The following HCRTR2 variants were observed in gnomAD, a reference collection of about 807,000 sequenced individuals.
HCRTR2 encodes orexin receptor type 2.
In HCRTR2, 22 loss-of-function variants were observed where a neutral mutation model predicts 49.0. The ratio of observed to expected loss-of-function variants is 0.45; its 90% CI spans 0.32 to 0.64. The LOEUF (loss-of-function observed/expected upper bound fraction) is 0.64. Ranked by LOEUF, HCRTR2 falls within the 30% of genes least tolerant of loss-of-function variation. The probability of loss-of-function intolerance (pLI) is 0.04; values close to 1 mark genes in which losing one functional copy is unlikely to be tolerated. For synonymous variants in HCRTR2, 236 were observed against 205.3 expected, an observed-to-expected ratio of 1.15 and a Z score of -1.28; for missense variants, 491 against 559.4, an observed-to-expected ratio of 0.88 and a Z score of 1.23.
At chr6:55,121,781 T>G (rs990922979) in intron 1 of HCRTR2, among the ~76,000 whole-genome samples, 3 of 152,200 alleles carry the variant, frequency 2.0e-5, no homozygotes, top group African/African-American at 7.2e-5. Context: ...TGGTGTATGT[T>G]GAACCAGCCT....
chr6:55,147,624 C>T (rs1403374491), intron 1 of HCRTR2, among the ~76,000 whole-genome samples: 1 of 152,170 alleles, frequency 6.6e-6, no homozygotes, highest in African/African-American at 2.4e-5. Flanking sequence ...GTACAATAGG[C>T]TGCTCTATGA....
chr6:55,251,211 G>C (rs1336555617), intron 2 of HCRTR2, among the ~76,000 whole-genome samples: 1 of 151,956 alleles, frequency 6.6e-6, no homozygotes, highest in Admixed American at 6.6e-5. Context: ...AAAGTTATTT[G>C]GTTGCATTTT....
chr6:55,246,785 T>G (rs986432889), intron 1 of HCRTR2, among the ~76,000 whole-genome samples: 1 of 152,088 alleles, frequency 6.6e-6, no homozygotes, highest in African/African-American at 2.4e-5. Context: ...CACTTCCTAG[T>G]GTTATTATGA....
chr6:55,151,879 T>C (rs946605224), intron 1 of HCRTR2, among the ~76,000 whole-genome samples: 2 of 151,990 alleles, frequency 1.3e-5, no homozygotes, highest in East Asian at 3.9e-4. Context: ...GAAAACTACA[T>C]TAATCTCCCT....
chr6:55,278,665 C>T (rs1393991294), intron 5 of HCRTR2, among the ~76,000 whole-genome samples: 1 of 151,664 alleles, frequency 6.6e-6, no homozygotes, highest in African/African-American at 2.4e-5. Context: ...AGACATATGC[C>T]AGCTCACAAG....
chr6:55,141,195 AT>A (rs989460631), intron 1 of HCRTR2, among the ~76,000 whole-genome samples: 2 of 140,400 alleles, frequency 1.4e-5, no homozygotes, highest in Admixed American at 6.9e-5. Context: ...AAAAAAAAAA[AT>A]TAACCGGGCG....
At chr6:55,167,122 C>T (rs910339465) in intron 1 of HCRTR2, among the ~76,000 whole-genome samples, 3 of 152,062 alleles carry the variant, frequency 2.0e-5, no homozygotes, top group Non-Finnish European at 4.4e-5. Context: ...AATGATACCT[C>T]TCAAAATGGT....
chr6:55,275,192 T>G (rs111420939), intron 4 of HCRTR2, among the ~76,000 whole-genome samples: 3,231 of 152,300 alleles, frequency 0.021, 106 homozygotes, highest in African/African-American at 0.073. Context: ...TTCCAATTCA[T>G]AACTGTGGTA....
At chr6:55,222,722 T>A (rs1052777769) in intron 1 of HCRTR2, among the ~76,000 whole-genome samples, 2 of 152,162 alleles carry the variant, frequency 1.3e-5, no homozygotes, top group Non-Finnish European at 2.9e-5. Flanking sequence ...CTATGAAGTA[T>A]CTAAAGTAGT....
At chr6:55,142,730 C>T (rs956199187) in intron 1 of HCRTR2, among the ~76,000 whole-genome samples, 4 of 151,830 alleles carry the variant, frequency 2.6e-5, no homozygotes, top group African/African-American at 9.7e-5. Context: ...AGATAAAATG[C>T]ACACACCGAG....
chr6:55,163,579 A>G (rs1207528293), intron 1 of HCRTR2, among the ~76,000 whole-genome samples: 1 of 152,226 alleles, frequency 6.6e-6, no homozygotes, highest in Non-Finnish European at 1.5e-5. Flanking sequence ...CCATATGCAG[A>G]AAACTGAAAC....
At chr6:55,250,321 C>T (rs1462924889) in intron 2 of HCRTR2, among the ~76,000 whole-genome samples, 1 of 151,978 alleles carries the variant, frequency 6.6e-6, no homozygotes, top group Non-Finnish European at 1.5e-5. Flanking sequence ...ATGAATGGCT[C>T]TGGTGGTGTT....
intron 1 of HCRTR2, among the ~76,000 whole-genome samples, chr6:55,107,374 C>T (rs749486022): frequency 1.3e-5 from 2 of 151,998 alleles, no homozygotes; most frequent in African/African-American, 2.4e-5. Context: ...TACTTGTTTT[C>T]GGTTTCAGAG....
intron 2 of HCRTR2, among the ~76,000 whole-genome samples, chr6:55,253,581 C>T (rs1478636801): frequency 1.3e-5 from 2 of 152,036 alleles, no homozygotes; most frequent in Admixed American, 6.6e-5. Flanking sequence ...TGCAAGTATA[C>T]GTTCACTGCA....
intron 1 of HCRTR2, among the ~76,000 whole-genome samples, chr6:55,209,028 A>T (rs1765653146): frequency 6.6e-6 from 1 of 152,188 alleles, no homozygotes; most frequent in African/African-American, 2.4e-5. Context: ...TTACATATGC[A>T]TTTTCTAAGA....
upstream of HCRTR2, chr6:55,174,366 A>G (rs200428399): frequency 8.7e-6 from 5 of 572,060 alleles, no homozygotes; most frequent in South Asian, 1.9e-5. Context: ...TCAGCTGCCT[A>G]TCTTCCCGGT....
chr6:55,207,777 T>A (rs2127289195), intron 1 of HCRTR2, among the ~76,000 whole-genome samples: 1 of 152,316 alleles, frequency 6.6e-6, no homozygotes, highest in African/African-American at 2.4e-5. Context: ...AAGTTTCTTC[T>A]AACGATAAAA....
intron 3 of HCRTR2, among the ~76,000 whole-genome samples, chr6:55,261,691 G>A (rs575384406): frequency 1.3e-5 from 2 of 152,260 alleles, no homozygotes; most frequent in Non-Finnish European, 2.9e-5. Context: ...ATGTAAGCTA[G>A]TACGACAACT....
At chr6:55,283,401 C>T (rs1767233538), downstream of HCRTR2, among the ~76,000 whole-genome samples, 2 of 151,698 alleles carry the variant, frequency 1.3e-5, no homozygotes, top group Admixed American at 1.3e-4. Flanking sequence ...TGGTCTTCAC[C>T]AGAAAGTTTG....
Sources: gnomAD v4.1 joint callset for allele counts (sites outside exome capture counted in the v4.1 genomes callset) on GRCh38, gnomAD v4.1.1 for gene constraint, MANE v1.5 for transcripts, NCBI Gene and HGNC (gene_info 2026-07-23, HGNC 2026-07-21) for gene names.